The following DTNA variants were observed in gnomAD, a reference collection of about 807,000 sequenced individuals.
DTNA encodes the protein dystrophin-related protein 3.
A neutral mutation model predicts 100.7 loss-of-function variants in DTNA; 43 were observed. The ratio of observed to expected loss-of-function variants is 0.43; its 90% confidence interval spans 0.33 to 0.55. The LOEUF (loss-of-function observed/expected upper bound fraction) is 0.55, where lower values mean the gene tolerates loss of function less well. DTNA is among the 20% of genes least tolerant of loss of function. The pLI is 0.04. For synonymous variants in DTNA, 349 were observed against 347.9 expected, an observed-to-expected ratio of 1.00 and a Z score of -0.04; for missense variants, 798 against 953.9, an observed-to-expected ratio of 0.84 and a Z score of 2.15.
intron 1 of DTNA, among the ~76,000 whole-genome samples, chr18:34,702,518 C>T (rs1196910224): frequency 6.6e-6 from 1 of 152,038 alleles, no homozygotes; most frequent in Non-Finnish European, 1.5e-5. Context: ...CTTCTTGGGC[C>T]ACCGTTTTTA....
At chr18:34,632,198 G>A (rs920093652) in intron 1 of DTNA, among the ~76,000 whole-genome samples, 2 of 152,022 alleles carry the variant, frequency 1.3e-5, no homozygotes, top group African/African-American at 4.8e-5. Context: ...CAGATTACAG[G>A]ACATCATGCT....
At chr18:34,616,778 G>A (rs1008115608) in intron 1 of DTNA, among the ~76,000 whole-genome samples, 11 of 152,052 alleles carry the variant, frequency 7.2e-5, no homozygotes, top group Non-Finnish European at 1.2e-4. Context: ...TTTTCCAATC[G>A]TTTGTGTCAT....
chr18:34,852,334 A>G (rs1216972268), intron 15 of DTNA, among the ~76,000 whole-genome samples: 1 of 151,846 alleles, frequency 6.6e-6, no homozygotes, highest in East Asian at 1.9e-4. Context: ...CCCTGAGCTA[A>G]AGAGGCATCT....
At chr18:34,607,692 A>C (rs1343658441) in intron 1 of DTNA, among the ~76,000 whole-genome samples, 2 of 152,178 alleles carry the variant, frequency 1.3e-5, no homozygotes, top group South Asian at 2.1e-4. Flanking sequence ...GTTTGTCCTG[A>C]AGGGTTCCTG....
At chr18:34,707,362 G>GA (rs1356994227), upstream of DTNA, among the ~76,000 whole-genome samples, 1 of 152,180 alleles carries the variant, frequency 6.6e-6, no homozygotes, top group African/African-American at 2.4e-5. Context: ...CAAGAGCACA[G>GA]ATTATGTTGC....
chr18:34,565,865 C>A (rs2047035543), intron 1 of DTNA, among the ~76,000 whole-genome samples: 1 of 152,192 alleles, frequency 6.6e-6, no homozygotes, highest in Non-Finnish European at 1.5e-5. Flanking sequence ...GCTACAGCCA[C>A]CTAGAGTAGG....
intron 1 of DTNA, among the ~76,000 whole-genome samples, chr18:34,563,646 C>T (rs2046834428): frequency 6.6e-6 from 1 of 152,176 alleles, no homozygotes; most frequent in Non-Finnish European, 1.5e-5. Flanking sequence ...ATATCCACCC[C>T]ACACATTTGT....
chr18:34,769,849 G>A (rs1408645438), intron 3 of DTNA, among the ~76,000 whole-genome samples: 2 of 150,598 alleles, frequency 1.3e-5, no homozygotes, highest in African/African-American at 2.4e-5. Context: ...AGCCTCCCAA[G>A]TAGCTGGAAT....
At chr18:34,561,568 TAATG>T (rs2046639349) in intron 1 of DTNA, among the ~76,000 whole-genome samples, 1 of 152,108 alleles carries the variant, frequency 6.6e-6, no homozygotes, top group African/African-American at 2.4e-5. Flanking sequence ...ATTTCAATAA[TAATG>T]AATAACAGGT....
chr18:34,519,864 C>T (rs2041997024), intron 1 of DTNA, among the ~76,000 whole-genome samples: 1 of 152,158 alleles, frequency 6.6e-6, no homozygotes, highest in Non-Finnish European at 1.5e-5. Flanking sequence ...AGAAAGTTTT[C>T]TCAAGTCACA....
chr18:34,877,330 C>T (rs1478144543), intron 18 of DTNA, among the ~76,000 whole-genome samples: 2 of 152,168 alleles, frequency 1.3e-5, no homozygotes, highest in African/African-American at 2.4e-5. Context: ...CGCAGCTCTC[C>T]TGGAAAACCT....
chr18:34,638,318 C>T (rs1268735170), intron 1 of DTNA, among the ~76,000 whole-genome samples: 4 of 152,194 alleles, frequency 2.6e-5, no homozygotes, highest in Non-Finnish European at 5.9e-5. Context: ...TTTTAAAATA[C>T]ATTATTTCCT....
rs544170937 is a variant in DTNA at position 34,773,702 on chromosome 18, A to T, written c.148+7661A>T. On this transcript the variant is annotated intron_variant, in intron 3 of 22. Transcript: ENST00000444659. ...TGGAATATAAACAAACCTATTAAAG[A>T]TGCCTATGTAATAGGACAATGGAAA... 4.6e-5 allele frequency among the ~76,000 whole-genome samples: 7 copies of T among 152,318 alleles called. No homozygotes were observed. In the East Asian group the frequency reaches 1.4e-3, roughly 29 times the overall value.
chr18:34,856,033 G>A (rs2096548525), intron 15 of DTNA, among the ~76,000 whole-genome samples: 2 of 152,146 alleles, frequency 1.3e-5, no homozygotes, highest in South Asian at 4.1e-4. Flanking sequence ...CTTGCTGCTT[G>A]TTTCCTGGAT....
Position 34,577,130 on chromosome 18 carries a change from T to G in DTNA, c.-2+83616T>G, listed in dbSNP as rs147358079. Among the ~76,000 whole-genome samples, 352 of 152,264 alleles carry G rather than the reference T, an allele frequency of 2.3e-3. 1 individual carries two copies. The highest frequency in any genetic ancestry group is 7.6e-3 in the African/African-American group (317 of 41,540). ...TGCGTTTGTCTATTCTCACTTTAAT[T>G]TTGTTCATTTTAGCTGTATGTATTT... is the stretch of plus-strand genomic sequence containing the variant. On this transcript the variant is annotated intron_variant, in intron 1 of 19. Transcript: ENST00000283365.
At chr18:34,841,675 A>G (rs878767) in intron 13 of DTNA, among the ~76,000 whole-genome samples, 37,900 of 152,022 alleles carry the variant, frequency 0.25, 4,837 homozygotes, top group African/African-American at 0.28. Flanking sequence ...ATGAGCTTTG[A>G]GACATTAAGT....
Position 34,792,237 on chromosome 18 carries a change from T to C in DTNA, c.149-1800T>C, listed in dbSNP as rs550511942. ...TGAAAATAAGAATGTCTGAACAGAT[T>C]GCTCTCTCTCTCTTAGGGTTCTGTG... is the stretch of plus-strand genomic sequence containing the variant. On this transcript the variant is annotated intron_variant, in intron 3 of 22. Coordinates refer to ENST00000444659, the MANE Select transcript of DTNA (RefSeq NM_001386795.1). 3.3e-5 allele frequency among the ~76,000 whole-genome samples: 5 copies of C among 152,284 alleles called. No homozygotes were observed. The East Asian group carries it at 9.6e-4, about 29-fold the overall frequency.
At chr18:34,699,648 G>T (rs1056499450) in intron 1 of DTNA, among the ~76,000 whole-genome samples, 1 of 152,142 alleles carries the variant, frequency 6.6e-6, no homozygotes, top group African/African-American at 2.4e-5. Flanking sequence ...AACTGCATTC[G>T]CAGTGATTGA....
intron 1 of DTNA, among the ~76,000 whole-genome samples, chr18:34,569,320 G>C (rs1229889924): frequency 6.6e-6 from 1 of 152,194 alleles, no homozygotes; most frequent in Non-Finnish European, 1.5e-5. Flanking sequence ...AGAAGGACCT[G>C]AAGCACAGGT....
Sources: allele counts gnomAD v4.1 joint callset (sites outside exome capture counted in the v4.1 genomes callset), GRCh38; gene constraint gnomAD v4.1.1; transcripts MANE v1.5; gene names NCBI Gene and HGNC (gene_info 2026-07-23, HGNC 2026-07-21).